The following ITSN1 variants were observed in gnomAD, a reference collection of about 807,000 sequenced individuals.
ITSN1 encodes the protein intersectin-1.
In ITSN1, 58 loss-of-function variants were observed where a neutral mutation model predicts 239.8. The observed-to-expected ratio is 0.24, with a 90% CI of 0.20 to 0.30. ITSN1 has a LOEUF of 0.30. Among genes scored for constraint, ITSN1 ranks in the 10% least tolerant of loss-of-function variants. The pLI is 1.00. For missense variants in ITSN1, 1,558 were observed against 2,103.3 expected (o/e 0.74, Z 5.07); for synonymous variants, 780 against 770.8 (o/e 1.01, Z -0.20).
chr21:33,704,087 G>A (rs887198116), intron 1 of ITSN1, among the ~76,000 whole-genome samples: 7 of 152,168 alleles, frequency 4.6e-5, no homozygotes, highest in Non-Finnish European at 1.0e-4. Flanking sequence ...CCCTCATAGA[G>A]ATAGAACTGA....
intron 5 of ITSN1, among the ~76,000 whole-genome samples, chr21:33,739,208 T>C (rs962784887): frequency 6.6e-6 from 1 of 152,192 alleles, no homozygotes; most frequent in Non-Finnish European, 1.5e-5. Flanking sequence ...TGGGGTGCAG[T>C]GATACTGTGA....
intron 24 of ITSN1, 36 bp from the exon 25 acceptor site, chr21:33,823,451 A>G (rs757736251): frequency 3.2e-6 from 5 of 1,585,446 alleles, no homozygotes; most frequent in Non-Finnish European, 4.3e-6. Flanking sequence ...TTAAACAATC[A>G]AGCTCTCTCC....
In ITSN1 at chr21:33,725,139, T is replaced by G. The variant is rs531493557; in HGVS notation, c.185+2488T>G. ...AAAAAAATTTTTTTTTTTTGTTTTTTTTTTTTTTTTTTTGAGATGGAGTTT... is the reference window on the plus strand; with the variant it reads ...AAAAAAATTTTTTTTTTTTGTTTTTGTTTTTTTTTTTTTGAGATGGAGTTT... On this transcript the variant is annotated intron_variant, in intron 4 of 39. Coordinates refer to ENST00000381318, the MANE Select transcript of ITSN1 (RefSeq NM_003024.3). 1.5e-4 allele frequency among the ~76,000 whole-genome samples: 22 copies of G among 142,472 alleles called. No homozygotes were observed. In the South Asian group the frequency reaches 2.7e-3, roughly 17 times the overall value. 93.5% of individuals were successfully genotyped at this position (142,472 alleles called of 152,430 possible). A position where few individuals can be genotyped will look rare whatever the true frequency, so the allele number is the denominator to read the frequency against.
At chr21:33,793,066 A>G (rs2071271498) in intron 16 of ITSN1, among the ~76,000 whole-genome samples, 1 of 152,188 alleles carries the variant, frequency 6.6e-6, no homozygotes, top group South Asian at 2.1e-4. Context: ...TACAGTTTAT[A>G]AAACATTTGT....
At chr21:33,854,143 C>T (rs561060945) in intron 29 of ITSN1, among the ~76,000 whole-genome samples, 134 of 152,334 alleles carry the variant, frequency 8.8e-4, no homozygotes, top group Middle Eastern at 3.4e-3. Flanking sequence ...GTGCATTGTA[C>T]ACATGTATTC....
intron 1 of ITSN1, among the ~76,000 whole-genome samples, chr21:33,669,031 G>A (rs1003718157): frequency 1.3e-5 from 2 of 152,228 alleles, no homozygotes; most frequent in African/African-American, 4.8e-5. Context: ...ACAGGTTCAA[G>A]ACTCCTGTCC....
chr21:33,655,583 ATTTTTT>A (rs756792867), intron 1 of ITSN1, among the ~76,000 whole-genome samples: 1 of 126,100 alleles, frequency 7.9e-6, no homozygotes, highest in African/African-American at 3.0e-5. Context: ...TGCCTGGCTA[ATTTTTT>A]TTTTTTTTTT....
chr21:33,859,850 GAGA>G (rs1980123717), intron 31 of ITSN1, among the ~76,000 whole-genome samples: 2 of 152,194 alleles, frequency 1.3e-5, no homozygotes, highest in African/African-American at 4.8e-5. Flanking sequence ...CAGGCTTTTA[GAGA>G]AGGTCTGGAC....
intron 7 of ITSN1, among the ~76,000 whole-genome samples, 174 bp downstream of exon 7, chr21:33,752,080 CATTA>C (rs1346867679): frequency 6.7e-6 from 1 of 149,500 alleles, no homozygotes; most frequent in Non-Finnish European, 1.5e-5. Context: ...TAGTTTTTAT[CATTA>C]ATTTGTTGCA....
chr21:33,736,783 G>A (rs903645874), intron 5 of ITSN1, among the ~76,000 whole-genome samples: 2 of 152,126 alleles, frequency 1.3e-5, no homozygotes, highest in Non-Finnish European at 2.9e-5. Flanking sequence ...CCCAGGTGTT[G>A]GAGACCAGCC....
At position 33,735,086 on chromosome 21, in the gene ITSN1, G is replaced by A; in HGVS notation, c.228G>A (p.Val76=). 6.2e-7 allele frequency: 1 copy of A among 1,613,756 alleles called. No individual in the cohort carries two copies. The highest frequency in any genetic ancestry group is 1.1e-5 in the South Asian group (1 of 91,012). ...DMNNDGRMDQ[V]EFSIAMKLIK... ...ATAATGATGGAAGAATGGATCAAGTGGAGTTTTCCATAGCTATGAAACTTA... is the reference window on the plus strand; with the variant it reads ...ATAATGATGGAAGAATGGATCAAGTAGAGTTTTCCATAGCTATGAAACTTA... Residue 76 remains valine, a synonymous_variant, in exon 5 of 40, where the codon GTG becomes GTA. Coordinates refer to ENST00000381318, the MANE Select transcript of ITSN1 (RefSeq NM_003024.3).
intron 1 of ITSN1, among the ~76,000 whole-genome samples, chr21:33,710,805 G>GT (rs200155196): frequency 3.2e-3 from 435 of 136,626 alleles, no homozygotes; most frequent in East Asian, 9.9e-3. Context: ...GAAGTTTTTT[G>GT]TTTTTTTTTT....
intron 16 of ITSN1, among the ~76,000 whole-genome samples, chr21:33,784,971 C>T (rs944603988): frequency 6.6e-6 from 1 of 152,192 alleles, no homozygotes; most frequent in Admixed American, 6.5e-5. Context: ...TGTGTCATTT[C>T]ACACATCTAA....
rs191458850 is a variant in ITSN1 at position 33,782,415 on chromosome 21, C to T, written c.1824+282C>T. Among the ~76,000 whole-genome samples the T allele has an allele frequency of 2.4e-3, 363 of 152,258 alleles. 1 individual carries two copies. Among genetic ancestry groups the T allele is most frequent in the African/African-American group, 8.0e-3 (333 of 41,560 alleles). Reference sequence around the variant, plus strand: ...AGTCACATCAAGTTGATTCCAAAAGCTTTATCTTTCTTATGTTCTTTGAAT... The same window carrying T: ...AGTCACATCAAGTTGATTCCAAAAGTTTTATCTTTCTTATGTTCTTTGAAT... On this transcript the variant is annotated intron_variant, in intron 16 of 39. Coordinates refer to ENST00000381318, the MANE Select transcript of ITSN1 (RefSeq NM_003024.3).
intron 39 of ITSN1, among the ~76,000 whole-genome samples, chr21:33,887,319 C>CA (rs35001467): frequency 0.41 from 58,999 of 144,166 alleles, 11,808 homozygotes; most frequent in East Asian, 0.58. Flanking sequence ...ATCCTGTCTC[C>CA]AAAAAAAAAA....
chr21:33,848,500 G>T lies in ITSN1; in HGVS notation c.3662-8236G>T, dbSNP rs116800811. Among the ~76,000 whole-genome samples, 983 of 152,354 alleles carry T rather than the reference G, an allele frequency of 6.5e-3. 12 individuals are homozygous for T. Among genetic ancestry groups the T allele is most frequent in the African/African-American group, 0.021 (882 of 41,580 alleles). On this transcript the variant is annotated intron_variant, in intron 29 of 39. Coordinates refer to ENST00000381318, the MANE Select transcript of ITSN1 (RefSeq NM_003024.3). ...AGATTAGCGCACCAGCGAGGAGGAA[G>T]AGGCCTCCGGGGAAGAGCATGAGCT...
intron 11 of ITSN1, among the ~76,000 whole-genome samples, chr21:33,769,062 T>G (rs896862498): frequency 1.3e-5 from 2 of 152,044 alleles, no homozygotes; most frequent in African/African-American, 2.4e-5. Flanking sequence ...GGGGAAGATA[T>G]GAGGAATTAA....
chr21:33,741,759 G>T (rs1328428583), intron 5 of ITSN1, among the ~76,000 whole-genome samples: 1 of 151,356 alleles, frequency 6.6e-6, no homozygotes, highest in African/African-American at 2.4e-5. Context: ...ACCAAGCATG[G>T]TGGCGGGTGT....
At chr21:33,861,538 C>T (rs899420697) in intron 31 of ITSN1, among the ~76,000 whole-genome samples, 1 of 152,130 alleles carries the variant, frequency 6.6e-6, no homozygotes, top group African/African-American at 2.4e-5. Flanking sequence ...GGCTCTCTTG[C>T]GAGGAAGCTG....
Sources: gnomAD v4.1 joint callset for allele counts (sites outside exome capture counted in the v4.1 genomes callset) on GRCh38, gnomAD v4.1.1 for gene constraint, MANE v1.5 for transcripts, NCBI Gene and HGNC (gene_info 2026-07-23, HGNC 2026-07-21) for gene names.